PPIL4: variants seen among roughly 807,000 people sequenced by gnomAD.
The protein encoded by PPIL4 is peptidyl-prolyl cis-trans isomerase-like 4.
A neutral mutation model predicts 69.1 loss-of-function variants in PPIL4; 50 were observed. The ratio of observed to expected loss-of-function variants is 0.72; its 90% CI spans 0.58 to 0.92. The LOEUF is 0.92. Ranked by LOEUF, PPIL4 falls within the 40% of genes least tolerant of loss-of-function variation. The probability of loss-of-function intolerance (pLI) is 0.00; values close to 1 mark genes in which losing one functional copy is unlikely to be tolerated. For synonymous variants in PPIL4, 193 were observed against 191.6 expected, an observed-to-expected ratio of 1.01 and a Z score of -0.06; for missense variants, 480 against 587.9, an observed-to-expected ratio of 0.82 and a Z score of 1.90.
Position 149,525,166 on chromosome 6 carries a change from A to G in PPIL4, c.847T>C (p.Tyr283His). ...ACCTTTTCAAATTCAATAAAAGCGTAACAGAGGGACTCTCCTGTCTTCCAG... is the reference window on the plus strand; with the variant it reads ...ACCTTTTCAAATTCAATAAAAGCGTGACAGAGGGACTCTCCTGTCTTCCAG... Reference protein sequence around the residue: ...RDWKTGESLCYAFIEFEKEED... With the variant: ...RDWKTGESLCHAFIEFEKEED... Residue 283 changes from tyrosine (Y) to histidine (H), a missense_variant, in exon 9 of 13, where the codon TAC becomes CAC. Transcript: ENST00000253329. The G allele has an allele frequency of 6.4e-7, 1 of 1,568,280 alleles. No homozygotes were observed. The highest frequency in any genetic ancestry group is 8.7e-7 in the Non-Finnish European group (1 of 1,146,628).
intron 11 of PPIL4, among the ~76,000 whole-genome samples, chr6:149,514,732 A>T (rs1195971283): frequency 6.7e-6 from 1 of 149,872 alleles, no homozygotes; most frequent in Non-Finnish European, 1.5e-5. Flanking sequence ...GTATATGCCT[A>T]AAAAAATTTT....
chr6:149,513,385 CAAAAAAAAAAAA>C (rs1170985851), intron 11 of PPIL4, among the ~76,000 whole-genome samples: 1 of 41,538 alleles, frequency 2.4e-5, no homozygotes, highest in African/African-American at 1.9e-4. Flanking sequence ...GACTCAGTCT[CAAAAAAAAAAAA>C]AAAAAAAAAA....
intron 11 of PPIL4, 194 bp downstream of exon 11, chr6:149,517,160 T>C: frequency 2.1e-6 from 1 of 487,028 alleles, no homozygotes; most frequent in Non-Finnish European, 3.6e-6. Context: ...TACACTAGAG[T>C]ATAGTGAAAA....
intron 11 of PPIL4, among the ~76,000 whole-genome samples, chr6:149,513,430 T>C (rs1009585100): frequency 8.5e-5 from 11 of 129,764 alleles, no homozygotes; most frequent in African/African-American, 3.3e-4. Flanking sequence ...TATATATATA[T>C]ATATATATAC....
intron 1 of PPIL4, among the ~76,000 whole-genome samples, chr6:149,545,042 ACT>A (rs1777418441): frequency 6.6e-6 from 1 of 151,812 alleles, no homozygotes; most frequent in Non-Finnish European, 1.5e-5. Flanking sequence ...GTCTTCAAGG[ACT>A]CTGATCATCA....
intron 10 of PPIL4, among the ~76,000 whole-genome samples, chr6:149,520,791 T>A (rs1777018707): frequency 6.6e-6 from 1 of 152,066 alleles, no homozygotes; most frequent in African/African-American, 2.4e-5. Context: ...AGGCGGTGGA[T>A]TACCTGAGGT....
chr6:149,540,977 T>C lies in PPIL4; in HGVS notation c.286A>G (p.Met96Val). 2 of 1,612,080 alleles carry C rather than the reference T, an allele frequency of 1.2e-6. No individual in the cohort carries two copies. The highest frequency in any genetic ancestry group is 1.7e-6 in the Non-Finnish European group (2 of 1,178,464). ...IKHKKKGTVSMVNNGSDQHGS... is the reference protein window; with the variant it reads ...IKHKKKGTVSVVNNGSDQHGS... ...TGTTGATCACTGCCATTATTCACCA[T>C]GGACACTGTGCCTTTCTTCTTGTGC... Residue 96 changes from methionine to valine, a missense_variant, in exon 4 of 13, where the codon ATG (methionine) becomes GTG (valine). Met to Val is a conservative substitution (Grantham distance 21). Coordinates refer to ENST00000253329, the MANE Select transcript of PPIL4 (RefSeq NM_139126.4).
At chr6:149,531,094 T>G (rs983828859) in intron 7 of PPIL4, among the ~76,000 whole-genome samples, 3 of 152,100 alleles carry the variant, frequency 2.0e-5, no homozygotes, top group Non-Finnish European at 4.4e-5. Context: ...CCGGGCACGG[T>G]GGCTCATGCC....
chr6:149,544,741 G>T (rs995454170), intron 1 of PPIL4, among the ~76,000 whole-genome samples: 1 of 152,224 alleles, frequency 6.6e-6, no homozygotes, highest in Non-Finnish European at 1.5e-5. Context: ...AGAAGAAACA[G>T]CAAAAGAATG....
intron 8 of PPIL4, among the ~76,000 whole-genome samples, chr6:149,526,048 G>T (rs754303368): frequency 1.3e-5 from 2 of 152,018 alleles, no homozygotes; most frequent in African/African-American, 4.8e-5. Context: ...GCAGTGAGCC[G>T]AGATCACATC....
Position 149,541,024 on chromosome 6 carries a change from G to A in PPIL4, c.239C>T (p.Ala80Val), listed in dbSNP as rs750397034. The A allele has an allele frequency of 2.5e-6, 4 of 1,611,782 alleles. No homozygotes were observed. The African/African-American group carries it at 5.3e-5, about 22-fold the overall frequency. The part of the protein sequence containing the change: ...LYGDQASFFE[A>V]EKVPRIKHKK... Reference sequence around the variant, plus strand: ...GTGCTTAATTCTTGGGACTTTTTCTGCCTCAAAAAAGCTTGCTTGATCACC... The same window carrying A: ...GTGCTTAATTCTTGGGACTTTTTCTACCTCAAAAAAGCTTGCTTGATCACC... The change falls in exon 4 of 13, where the codon GCA becomes GTA. Residue 80 changes from alanine to valine, a missense_variant. Coordinates refer to ENST00000253329, the MANE Select transcript of PPIL4 (RefSeq NM_139126.4).
intron 1 of PPIL4, among the ~76,000 whole-genome samples, chr6:149,542,822 T>A (rs1407148711): frequency 6.6e-6 from 1 of 152,126 alleles, no homozygotes; most frequent in African/African-American, 2.4e-5. Context: ...GAAGTGGAAA[T>A]TTAAATGTTT....
At chr6:149,515,256 G>A (rs1187562644) in intron 11 of PPIL4, among the ~76,000 whole-genome samples, 1 of 151,648 alleles carries the variant, frequency 6.6e-6, no homozygotes, top group Non-Finnish European at 1.5e-5. Context: ...CACACTGCTG[G>A]GATTACAGGC....
chr6:149,507,493 A>G (rs1776786288), intron 12 of PPIL4, among the ~76,000 whole-genome samples: 1 of 152,322 alleles, frequency 6.6e-6, no homozygotes, highest in African/African-American at 2.4e-5. Context: ...ACATATACAA[A>G]ATAGAAATAT....
chr6:149,520,104 A>G (rs1268166032), intron 10 of PPIL4, among the ~76,000 whole-genome samples: 1 of 152,240 alleles, frequency 6.6e-6, no homozygotes, highest in Admixed American at 6.5e-5. Flanking sequence ...GGTTCATTTT[A>G]TATACTGATA....
intron 6 of PPIL4, 26 bp from the exon 7 acceptor site, chr6:149,533,600 A>G (rs369384515): frequency 6.2e-6 from 8 of 1,290,252 alleles, no homozygotes; most frequent in Non-Finnish European, 8.8e-6. Flanking sequence ...TTACTCATGT[A>G]TATATTTAAA....
rs187003423 is a variant in PPIL4, at chr6:149,545,106, C to T, written c.70+830G>A. Among the ~76,000 whole-genome samples the T allele has an allele frequency of 3.1e-3, 465 of 152,286 alleles. 1 individual carries two copies. The highest frequency in any genetic ancestry group is 0.011 in the African/African-American group (451 of 41,560). On this transcript the variant is annotated intron_variant, in intron 1 of 12. Transcript: ENST00000253329. ...TGACCTAGGCGTATCTGACCACACT[C>T]GAGTCTACCATTCCACGACTCACAC... is the stretch of plus-strand genomic sequence containing the variant.
At chr6:149,513,457 T>TA (rs1776892995) in intron 11 of PPIL4, among the ~76,000 whole-genome samples, 1 of 114,982 alleles carries the variant, frequency 8.7e-6, no homozygotes, top group South Asian at 2.7e-4. Flanking sequence ...AAAATATGCA[T>TA]AATAGTATTA....
chr6:149,507,336 T>C (rs1776784051), intron 12 of PPIL4, among the ~76,000 whole-genome samples: 1 of 152,252 alleles, frequency 6.6e-6, no homozygotes, highest in Admixed American at 6.5e-5. Flanking sequence ...TGATTTGTGA[T>C]TTTCCACACA....
Sources: allele counts gnomAD v4.1 joint callset (sites outside exome capture counted in the v4.1 genomes callset), GRCh38; gene constraint gnomAD v4.1.1; transcripts MANE v1.5; gene names NCBI Gene and HGNC (gene_info 2026-07-23, HGNC 2026-07-21).